The following LINGO1 variants were observed in gnomAD, a reference collection of about 807,000 sequenced individuals.
LINGO1 encodes the protein leucine-rich repeat and immunoglobulin-like domain-containing nogo receptor-interacting protein 1.
In LINGO1, 11 loss-of-function variants were observed where a neutral mutation model predicts 37.3. That is an observed-to-expected ratio of 0.29 (90% CI 0.19 to 0.49). The LOEUF (loss-of-function observed/expected upper bound fraction) is 0.49, where lower values mean the gene tolerates loss of function less well. Ranked by LOEUF, LINGO1 falls within the 20% of genes least tolerant of loss-of-function variation. LINGO1 has a pLI of 0.99. For synonymous variants in LINGO1, 387 were observed against 403.0 expected, an observed-to-expected ratio of 0.96 and a Z score of 0.48; for missense variants, 585 against 878.2, an observed-to-expected ratio of 0.67 and a Z score of 4.22.
intron 1 of LINGO1, among the ~76,000 whole-genome samples, chr15:77,772,966 C>T (rs930790813): frequency 2.0e-5 from 3 of 152,196 alleles, no homozygotes; most frequent in Middle Eastern, 3.2e-3. Flanking sequence ...TCCTACCATC[C>T]GTCAAGCTAC....
chr15:77,623,619 G>C (rs983946460), intron 1 of LINGO1, among the ~76,000 whole-genome samples: 1 of 152,204 alleles, frequency 6.6e-6, no homozygotes, highest in East Asian at 1.9e-4. Flanking sequence ...CTGCGCGGCT[G>C]GGGGCCAGGC....
At chr15:77,746,207 CAAA>C (rs34220013) in intron 1 of LINGO1, among the ~76,000 whole-genome samples, 16,517 of 75,266 alleles carry the variant, frequency 0.22, 1,084 homozygotes, top group African/African-American at 0.32. Flanking sequence ...GACCCTGTCT[CAAA>C]AAAAAAAAAA....
chr15:77,752,170 T>C (rs1439038890), intron 1 of LINGO1, among the ~76,000 whole-genome samples: 1 of 152,134 alleles, frequency 6.6e-6, no homozygotes. Context: ...GGAGATAGCA[T>C]CCCTGGAAAA....
chr15:77,806,561 A>T (rs1180243504), intron 1 of LINGO1, among the ~76,000 whole-genome samples: 1 of 152,072 alleles, frequency 6.6e-6, no homozygotes, highest in African/African-American at 2.4e-5. Flanking sequence ...CTGTTTTCAG[A>T]TCTACCTAGG....
chr15:77,799,758 G>T (rs1376316480), intron 1 of LINGO1, among the ~76,000 whole-genome samples: 1 of 152,204 alleles, frequency 6.6e-6, no homozygotes, highest in African/African-American at 2.4e-5. Flanking sequence ...TCTGTCAGCA[G>T]CATGCAAGCT....
intron 1 of LINGO1, among the ~76,000 whole-genome samples, chr15:77,756,521 T>C (rs1687344818): frequency 1.5e-5 from 2 of 135,228 alleles, no homozygotes; most frequent in African/African-American, 5.9e-5. Flanking sequence ...CACACACACA[T>C]TCCTGCACAC....
rs374997896 is a variant in LINGO1, at chr15:77,614,101, C to A, written c.1806G>T (p.Ser602=). 2.5e-6 allele frequency: 4 copies of A among 1,613,770 alleles called. No individual in the cohort carries two copies. In the East Asian group the frequency reaches 8.9e-5, roughly 36 times the overall value. ...NIEIEYVPRK[S]DAGISSADAP... ...CGTCGGCGGAGCTGATGCCTGCGTCCGACTTTCGGGGCACATACTCGATCT... is the reference window on the plus strand; with the variant it reads ...CGTCGGCGGAGCTGATGCCTGCGTCAGACTTTCGGGGCACATACTCGATCT... The change falls in exon 2 of 2, where the codon TCG becomes TCT. Residue 602 remains serine (S), a synonymous_variant. Coordinates refer to ENST00000355300, the MANE Select transcript of LINGO1 (RefSeq NM_032808.7).
chr15:77,733,135 G>A (rs556180150), intron 2 of LINGO1, among the ~76,000 whole-genome samples: 1 of 152,292 alleles, frequency 6.6e-6, no homozygotes, highest in Non-Finnish European at 1.5e-5. Flanking sequence ...CAGGACAAGC[G>A]CCTGGAACTC....
chr15:77,705,364 C>T (rs2075839610), intron 2 of LINGO1, among the ~76,000 whole-genome samples: 1 of 152,174 alleles, frequency 6.6e-6, no homozygotes, highest in African/African-American at 2.4e-5. Context: ...GGAAAGGGTG[C>T]TATGCCTCAC....
At chr15:77,723,270 G>A (rs1289569864) in intron 2 of LINGO1, among the ~76,000 whole-genome samples, 1 of 151,882 alleles carries the variant, frequency 6.6e-6, no homozygotes, top group Non-Finnish European at 1.5e-5. Flanking sequence ...CTTCCTCTGC[G>A]AATCTAAATG....
At chr15:77,684,991 C>T (rs1199491550) in intron 2 of LINGO1, among the ~76,000 whole-genome samples, 4 of 151,266 alleles carry the variant, frequency 2.6e-5, no homozygotes, top group Admixed American at 2.0e-4. Flanking sequence ...GGCAGTGGCA[C>T]CTGGGCCCAG....
intron 1 of LINGO1, among the ~76,000 whole-genome samples, chr15:77,805,221 C>T (rs542591859): frequency 5.1e-4 from 77 of 152,318 alleles, no homozygotes; most frequent in African/African-American, 1.7e-3. Context: ...TGCAGGCCTG[C>T]GGTGTTCCCT....
At chr15:77,645,488 T>C (rs1044193422) in intron 3 of LINGO1, among the ~76,000 whole-genome samples, 2 of 152,224 alleles carry the variant, frequency 1.3e-5, no homozygotes, top group African/African-American at 4.8e-5. Context: ...GTGCTGAAGG[T>C]AGAGCGAGGT....
rs2073564778 is a variant in LINGO1 at position 77,613,152 on chromosome 15, C to G, written c.*892G>C. On this transcript the variant is annotated 3_prime_UTR_variant, in exon 2 of 2. Transcript: ENST00000355300. ...GTTCCCATTTGTACAGATGTGGAGACTGAGGCCCAGAGAGGCCAGTGACCT... is the reference window on the plus strand; with the variant it reads ...GTTCCCATTTGTACAGATGTGGAGAGTGAGGCCCAGAGAGGCCAGTGACCT... 6.6e-6 allele frequency: 1 copy of G among 152,298 alleles called. No homozygotes were observed. Among genetic ancestry groups the G allele is most frequent in the Non-Finnish European group, 1.5e-5 (1 of 68,096 alleles). The allele number at this position is 152,298 out of a possible 1,614,324, so 9.4% of individuals were successfully genotyped here.
upstream of LINGO1, among the ~76,000 whole-genome samples, chr15:77,789,482 C>T (rs1039115747): frequency 5.9e-5 from 9 of 152,110 alleles, no homozygotes; most frequent in African/African-American, 1.7e-4. Flanking sequence ...TGGCGCATGC[C>T]GGTAGTCCCA....
At chr15:77,768,452 C>T (rs2076552112) in intron 1 of LINGO1, among the ~76,000 whole-genome samples, 1 of 152,198 alleles carries the variant, frequency 6.6e-6, no homozygotes, top group African/African-American at 2.4e-5. Context: ...AGGCAGCCAG[C>T]CACAGCCTCT....
intron 3 of LINGO1, among the ~76,000 whole-genome samples, chr15:77,676,372 A>T (rs1160901859): frequency 1.3e-5 from 2 of 152,250 alleles, no homozygotes; most frequent in African/African-American, 4.8e-5. Context: ...TTTAAGATAT[A>T]TTTACACTGA....
chr15:77,664,028 C>T (rs939238687), intron 3 of LINGO1, among the ~76,000 whole-genome samples: 22 of 152,130 alleles, frequency 1.4e-4, no homozygotes, highest in African/African-American at 4.8e-4. Context: ...GAGCGTGCAA[C>T]ACCAAGCATC....
chr15:77,757,677 G>A (rs1169046202), intron 1 of LINGO1, among the ~76,000 whole-genome samples: 1 of 152,006 alleles, frequency 6.6e-6, no homozygotes, highest in Non-Finnish European at 1.5e-5. Flanking sequence ...GACTGGGTGC[G>A]GGGACAGGGC....
Sources: allele counts gnomAD v4.1 joint callset (sites outside exome capture counted in the v4.1 genomes callset), GRCh38; gene constraint gnomAD v4.1.1; transcripts MANE v1.5; gene names NCBI Gene and HGNC (gene_info 2026-07-23, HGNC 2026-07-21).